CSMD1: variants seen among roughly 807,000 people sequenced by gnomAD.
CSMD1 encodes CUB and sushi domain-containing protein 1.
In CSMD1, 213 loss-of-function variants were observed where a neutral mutation model predicts 417.5. The ratio of observed to expected loss-of-function variants is 0.51; its 90% CI spans 0.46 to 0.57. CSMD1 has a LOEUF of 0.57. Among genes scored for constraint, CSMD1 ranks in the 20% least tolerant of loss-of-function variants. CSMD1 has a pLI of 0.00. For synonymous variants in CSMD1, 2,862 were observed against 1,736.8 expected (o/e 1.65, Z -16.11); for missense variants, 6,923 against 4,529.7 (o/e 1.53, Z -15.17).
At chr8:3,371,533 T>G (rs893693114) in intron 18 of CSMD1, among the ~76,000 whole-genome samples, 35 of 152,148 alleles carry the variant, frequency 2.3e-4, no homozygotes, top group Non-Finnish European at 4.4e-5. Context: ...ATACTTCTTT[T>G]CTTAAACTAG....
rs1050617022 is a variant in CSMD1, at chr8:2,937,837, A to T, written c.*748T>A. 6.5e-6 allele frequency: 1 copy of T among 152,678 alleles called. No individual in the cohort carries two copies. The highest frequency in any genetic ancestry group is 1.5e-5 in the Non-Finnish European group (1 of 68,050). 9.5% of individuals were successfully genotyped at this position (152,678 alleles called of 1,614,324 possible). ...GGGGAATGTTTAGCTTGATAATATG[A>T]AATAATGCTTATATACAATGGATAG... On this transcript the variant is annotated 3_prime_UTR_variant, in exon 70 of 70. Transcript: ENST00000635120.
chr8:3,670,417 T>A (rs980473738), intron 7 of CSMD1, among the ~76,000 whole-genome samples: 1 of 150,910 alleles, frequency 6.6e-6, no homozygotes, highest in Non-Finnish European at 1.5e-5. Flanking sequence ...ACATGTGAGT[T>A]AAAACCTAAT....
intron 7 of CSMD1, among the ~76,000 whole-genome samples, chr8:3,645,057 G>T (rs1312409262): frequency 1.4e-5 from 2 of 145,822 alleles, no homozygotes; most frequent in African/African-American, 5.2e-5. Context: ...GCCTCATGAA[G>T]ATCCAGCAGC....
chr8:3,209,817 T>C (rs1011572988), intron 30 of CSMD1, among the ~76,000 whole-genome samples: 9 of 152,202 alleles, frequency 5.9e-5, no homozygotes, highest in African/African-American at 1.9e-4. Flanking sequence ...TCATTGCTAA[T>C]GGTAACAAGA....
chr8:4,323,740 G>A (rs1027721982), intron 3 of CSMD1, among the ~76,000 whole-genome samples: 1 of 137,330 alleles, frequency 7.3e-6, no homozygotes, highest in Non-Finnish European at 1.7e-5. Flanking sequence ...TTTCACATCC[G>A]CTCACTCAAA....
chr8:3,092,856 A>C (rs73183513), intron 47 of CSMD1, among the ~76,000 whole-genome samples: 4,109 of 152,272 alleles, frequency 0.027, 109 homozygotes, highest in African/African-American at 0.068. Context: ...TGCATTTCAC[A>C]GTTCACTCCT....
At chr8:3,441,487 A>C (rs1814981008) in intron 12 of CSMD1, among the ~76,000 whole-genome samples, 1 of 128,228 alleles carries the variant, frequency 7.8e-6, no homozygotes, top group Non-Finnish European at 1.6e-5. Flanking sequence ...TATGGCATAT[A>C]ATTTCATATA....
chr8:4,321,352 G>GCGC (rs1215967529), intron 3 of CSMD1, among the ~76,000 whole-genome samples: 1 of 151,922 alleles, frequency 6.6e-6, no homozygotes, highest in African/African-American at 2.4e-5. Flanking sequence ...CTCCTCTCCC[G>GCGC]CGCTGGCAGT....
At chr8:3,227,716 A>C (rs1029602319) in intron 27 of CSMD1, among the ~76,000 whole-genome samples, 11 of 152,148 alleles carry the variant, frequency 7.2e-5, no homozygotes, top group Admixed American at 4.6e-4. Context: ...CTGGTAAGTA[A>C]AAAGTGCAAT....
At chr8:4,444,071 G>C (rs866316877) in intron 2 of CSMD1, among the ~76,000 whole-genome samples, 1 of 152,158 alleles carries the variant, frequency 6.6e-6, no homozygotes. Context: ...GCCTGGCACA[G>C]TAGCTCATGC....
chr8:4,920,848 A>G (rs5017829), intron 1 of CSMD1, among the ~76,000 whole-genome samples: 36,560 of 47,584 alleles, frequency 0.77, 12,936 homozygotes, highest in Middle Eastern at 0.82. Flanking sequence ...GAACGAAAGA[A>G]AAGAAAAGAA....
At chr8:4,902,982 T>TAAC (rs1246238699) in intron 1 of CSMD1, among the ~76,000 whole-genome samples, 1 of 146,526 alleles carries the variant, frequency 6.8e-6, no homozygotes, top group South Asian at 2.1e-4. Context: ...AACTAAATAA[T>TAAC]AATAAATAAA....
At chr8:4,253,340 T>C (rs894476315) in intron 3 of CSMD1, among the ~76,000 whole-genome samples, 1 of 152,112 alleles carries the variant, frequency 6.6e-6, no homozygotes, top group African/African-American at 2.4e-5. Flanking sequence ...CTATAGAACT[T>C]ATCACTGTAT....
At chr8:3,477,110 A>G (rs1817477571) in intron 11 of CSMD1, among the ~76,000 whole-genome samples, 2 of 152,184 alleles carry the variant, frequency 1.3e-5, no homozygotes, top group Non-Finnish European at 2.9e-5. Context: ...ACTTTACTGT[A>G]TATCACTTAA....
chr8:3,146,559 T>A (rs1818855855), intron 40 of CSMD1, among the ~76,000 whole-genome samples: 1 of 152,222 alleles, frequency 6.6e-6, no homozygotes, highest in Admixed American at 6.5e-5. Flanking sequence ...CTAAGATTTC[T>A]ACTCAGCTAA....
In CSMD1 at chr8:3,842,046, T is replaced by C. The variant is rs116718156; in HGVS notation, c.819-88004A>G. 2.0e-3 allele frequency among the ~76,000 whole-genome samples: 310 copies of C among 152,336 alleles called. 1 individual carries two copies. Among genetic ancestry groups the C allele is most frequent in the African/African-American group, 7.3e-3 (303 of 41,582 alleles). ...CCTTTCTTTCTAATGCATACCCTTG[T>C]TCTTAATTCTGATAGTTAATAAAAC... On this transcript the variant is annotated intron_variant, in intron 5 of 69. Transcript: ENST00000635120.
rs113963019 is a variant in CSMD1 at position 4,034,483 on chromosome 8, C to A, written c.416-2384G>T. On this transcript the variant is annotated intron_variant, in intron 3 of 69. Transcript: ENST00000635120. Reference sequence around the variant, plus strand: ...CTGTATTTAATTCCACATTCACTATCCTTAAAGCAAACATGTGTGCTGTTT... The same window carrying A: ...CTGTATTTAATTCCACATTCACTATACTTAAAGCAAACATGTGTGCTGTTT... Among the ~76,000 whole-genome samples the A allele has an allele frequency of 9.2e-5, 14 of 152,240 alleles. No homozygotes were observed. In the East Asian group the frequency reaches 2.7e-3, roughly 29 times the overall value.
At chr8:4,698,438 G>C (rs1387752798) in intron 1 of CSMD1, among the ~76,000 whole-genome samples, 1 of 152,090 alleles carries the variant, frequency 6.6e-6, no homozygotes, top group East Asian at 1.9e-4. Flanking sequence ...GGCTTGGTGT[G>C]ATTCGCAAAC....
At chr8:4,724,643 G>C (rs1809296734) in intron 1 of CSMD1, among the ~76,000 whole-genome samples, 1 of 151,718 alleles carries the variant, frequency 6.6e-6, no homozygotes, top group Non-Finnish European at 1.5e-5. Flanking sequence ...ATAAATGTAA[G>C]TTTCACACAG....
Sources: allele counts gnomAD v4.1 joint callset (sites outside exome capture counted in the v4.1 genomes callset), GRCh38; gene constraint gnomAD v4.1.1; transcripts MANE v1.5; gene names NCBI Gene and HGNC (gene_info 2026-07-23, HGNC 2026-07-21).